Variants in SPTBN4 observed in about 807,000 individuals in gnomAD.
SPTBN4 encodes spectrin beta chain, non-erythrocytic 4.
Under a neutral mutation model 277.8 loss-of-function variants are expected in SPTBN4, and 96 were observed. The observed-to-expected ratio is 0.35, with a 90% confidence interval of 0.29 to 0.41. The LOEUF (loss-of-function observed/expected upper bound fraction) is 0.41, where lower values mean the gene tolerates loss of function less well. Ranked by LOEUF, SPTBN4 falls within the 10% of genes least tolerant of loss-of-function variation. The pLI is 1.00. For missense variants in SPTBN4, 3,006 were observed against 3,595.7 expected (o/e 0.84, Z 4.19); for synonymous variants, 1,481 against 1,580.3 (o/e 0.94, Z 1.49).
chr19:40,505,129 G>A (rs1013643043), intron 12 of SPTBN4, among the ~76,000 whole-genome samples: 4 of 148,218 alleles, frequency 2.7e-5, no homozygotes, highest in Admixed American at 1.3e-4. Context: ...TCTCACCTGC[G>A]GTACCAGCAC....
At chr19:40,493,755 C>T (rs2080164235) in intron 5 of SPTBN4, among the ~76,000 whole-genome samples, 1 of 152,068 alleles carries the variant, frequency 6.6e-6, no homozygotes, top group Admixed American at 6.6e-5. Context: ...AATAAATAAA[C>T]AAACAAATAA....
rs569296817 is a variant in SPTBN4, at chr19:40,495,532, C to T, written c.668+555C>T. ...GTGTGGTGGTGCGCCCCTGTAGTCC[C>T]AGCTACTGGGGAGGCTGAGGCAGGA... On this transcript the variant is annotated intron_variant, in intron 6 of 35. Transcript: ENST00000598249. Among the ~76,000 whole-genome samples, 8 of 152,136 alleles carry T rather than the reference C, an allele frequency of 5.3e-5. No individual in the cohort carries two copies. In the South Asian group the frequency reaches 1.7e-3, roughly 32 times the overall value.
In SPTBN4 at chr19:40,516,541, C is replaced by T. The variant is rs185733095; in HGVS notation, c.2903+1093C>T. On this transcript the variant is annotated intron_variant, in intron 15 of 35. Transcript: ENST00000598249. ...ATGCTGGTCTTACAACTCCTGGGCT[C>T]GGCTGGGCGTGGTAGCTCACACCTG... Among the ~76,000 whole-genome samples the T allele has an allele frequency of 3.1e-3, 467 of 152,124 alleles. 4 individuals are homozygous for T. Among genetic ancestry groups the T allele is most frequent in the African/African-American group, 0.01 (419 of 41,498 alleles).
Position 40,575,930 on chromosome 19 carries a change from T to G in SPTBN4, c.*361T>G. ...GAAGCTGGGGTGGTGGGGGCAGTAATTCCTGCCCCCCTCTCTGCCCTAGGG... is the reference window on the plus strand; with the variant it reads ...GAAGCTGGGGTGGTGGGGGCAGTAAGTCCTGCCCCCCTCTCTGCCCTAGGG... On this transcript the variant is annotated 3_prime_UTR_variant, in exon 36 of 36. Coordinates refer to ENST00000598249, the MANE Select transcript of SPTBN4 (RefSeq NM_020971.3). 1 of 188,526 alleles carries G rather than the reference T, an allele frequency of 5.3e-6. No individual in the cohort carries two copies. The highest frequency in any genetic ancestry group is 1.1e-5 in the Non-Finnish European group (1 of 89,642). 11.7% of individuals were successfully genotyped at this position (188,526 alleles called of 1,614,324 possible).
At position 40,557,161 on chromosome 19, in the gene SPTBN4, G is replaced by A; in HGVS notation, c.5428G>A (p.Asp1810Asn). The change falls in exon 26 of 36, where the codon GAC (aspartate) becomes AAC (asparagine). Residue 1810 changes from aspartate to asparagine, a missense_variant. Asp to Asn is a conservative substitution (Grantham distance 23). Around this residue, in one of 5 missense-constraint regions of SPTBN4, gnomAD observed 425 missense variants for 594.7 expected, o/e 0.71. Coordinates refer to ENST00000598249, the MANE Select transcript of SPTBN4 (RefSeq NM_020971.3). ...TAAATMAEWK[D>N]GLNEAWAELL... is the part of the protein sequence containing the mutation. ...AGCGGCCACCATGGCCGAGTGGAAG[G>A]ACGGACTGAACGAGGCCTGGGCTGA... 1 of 1,611,482 alleles carries A rather than the reference G, an allele frequency of 6.2e-7. No individual in the cohort carries two copies. Among genetic ancestry groups the A allele is most frequent in the Non-Finnish European group, 8.5e-7 (1 of 1,177,986 alleles).
chr19:40,565,213 C>T (rs896202583), intron 27 of SPTBN4, among the ~76,000 whole-genome samples: 43 of 150,806 alleles, frequency 2.9e-4, no homozygotes, highest in African/African-American at 1.0e-3. Context: ...TGCAGTGAGC[C>T]GAGATCGCCC....
At chr19:40,536,255 C>A (rs2145904060) in intron 20 of SPTBN4, among the ~76,000 whole-genome samples, 1 of 152,002 alleles carries the variant, frequency 6.6e-6, no homozygotes, top group South Asian at 2.1e-4. Context: ...GCTCTGTCAC[C>A]CAGGCTGGAG....
At position 40,568,256 on chromosome 19, in the gene SPTBN4, G is replaced by A. The variant is rs118048177; in HGVS notation, c.6930G>A (p.Met2310Ile). 0.018 allele frequency: 28,617 copies of A among 1,605,170 alleles called. 349 individuals are homozygous for A. Among genetic ancestry groups the A allele is most frequent in the South Asian group, 0.036 (3,203 of 89,578 alleles). ...LERQESSEQE[M>I]PIRGDLVKGK... is the part of the protein sequence containing the mutation. ...GGCAGGAGTCCAGCGAACAGGAGAT[G>A]CCCATCAGAGGAGACCTGGTCAAGG... Residue 2310 changes from methionine to isoleucine, a missense_variant, in exon 31 of 36, where the codon ATG becomes ATA. Physicochemically the swap from Met to Ile is conservative, Grantham distance 10 (BLOSUM62 1). This residue lies in a region of SPTBN4 where 630 missense variants were observed against 677.6 expected (regional missense o/e 0.93). Transcript: ENST00000598249.
chr19:40,468,972 G>A (rs2079854941), intron 1 of SPTBN4, among the ~76,000 whole-genome samples: 1 of 152,130 alleles, frequency 6.6e-6, no homozygotes, highest in Non-Finnish European at 1.5e-5. Context: ...GGTGGAGCTT[G>A]CCTCTAGTCC....
intron 20 of SPTBN4, among the ~76,000 whole-genome samples, chr19:40,541,331 G>T (rs764209652): frequency 5.3e-5 from 8 of 152,178 alleles, no homozygotes; most frequent in Non-Finnish European, 8.8e-5. Flanking sequence ...CACAGTGATG[G>T]GTGCCAGAGG....
At position 40,519,050 on chromosome 19, in the gene SPTBN4, G is replaced by A. The variant is rs1568801733; in HGVS notation, c.2904-351G>A. Among the ~76,000 whole-genome samples the A allele has an allele frequency of 6.6e-6, 1 of 152,280 alleles. No individual in the cohort carries two copies. The highest frequency in any genetic ancestry group is 1.9e-4 in the East Asian group (1 of 5,180). ...TCTTTAAAGTCTGGTTTAAGAGATG[G>A]CAGCTGGGCTTCTCTTAAATCAGAG... On this transcript the variant is annotated intron_variant, in intron 15 of 35. Coordinates refer to ENST00000598249, the MANE Select transcript of SPTBN4 (RefSeq NM_020971.3). The surrounding 1 kb of genome is among the most constrained non-coding windows in gnomAD (Gnocchi z 5.7).
chr19:40,476,286 A>G (rs151126985), intron 2 of SPTBN4, among the ~76,000 whole-genome samples: 115 of 150,598 alleles, frequency 7.6e-4, no homozygotes, highest in African/African-American at 2.4e-3. Flanking sequence ...CGGAGGTTGC[A>G]GTGAGCCTAG....
At chr19:40,478,775 G>A (rs2079976761) in intron 2 of SPTBN4, among the ~76,000 whole-genome samples, 1 of 152,144 alleles carries the variant, frequency 6.6e-6, no homozygotes. Context: ...TTCAACTCCT[G>A]ACCTCAAGTG....
In SPTBN4 at chr19:40,519,414, G is replaced by A. The variant is rs2080496600; in HGVS notation, c.2917G>A (p.Val973Met). ...TCCCCTGGGCAGGTGGAACCGCATC[G>A]TGGAGCTAGTGGAACAGCGCAAAGA... ...DHLNSRWNRIVELVEQRKEEM... is the reference protein window; with the variant it reads ...DHLNSRWNRIMELVEQRKEEM... The change falls in exon 16 of 36, where the codon GTG becomes ATG. Residue 973 changes from valine to methionine, a missense_variant. By Grantham distance (21) the Val-to-Met change is conservative (BLOSUM62 1). Transcript: ENST00000598249. The surrounding 1 kb of genome is among the most constrained non-coding windows in gnomAD (Gnocchi z 5.7). 1.9e-6 allele frequency: 3 copies of A among 1,576,170 alleles called. No individual in the cohort carries two copies. Among genetic ancestry groups the A allele is most frequent in the South Asian group, 1.2e-5 (1 of 85,688 alleles).
chr19:40,560,526 G>A lies in SPTBN4; in HGVS notation c.5915+123G>A. 6.4e-7 allele frequency: 1 copy of A among 1,573,520 alleles called. No individual in the cohort carries two copies. The highest frequency in any genetic ancestry group is 8.6e-7 in the Non-Finnish European group (1 of 1,159,186). On this transcript the variant is annotated intron_variant, in intron 27 of 35. Transcript: ENST00000598249. This position sits in a 1 kb window ranked among gnomAD's most constrained non-coding sequence, Gnocchi z 5.2. The stretch of plus-strand genomic sequence containing the variant: ...CAGCCAATATCTGTGTGGCGCCTCT[G>A]TGTGCTAGGCACTGTTCTAGGTGCT...
rs532886297 is a variant in SPTBN4 at position 40,524,542 on chromosome 19, A to G, written c.3857+903A>G. 9.0e-5 allele frequency: 41 copies of G among 453,436 alleles called. No individual in the cohort carries two copies. The East Asian group carries it at 2.5e-3, about 28-fold the overall frequency. 28.1% of individuals were successfully genotyped at this position (453,436 alleles called of 1,614,324 possible). A position where few individuals can be genotyped will look rare whatever the true frequency, so the allele number is the denominator to read the frequency against. Reference sequence around the variant, plus strand: ...AAAAAATGTGTTAACTTACTTCCCTAGATGCCTCATTATCCATCCTGCTCT... The same window carrying G: ...AAAAAATGTGTTAACTTACTTCCCTGGATGCCTCATTATCCATCCTGCTCT... On this transcript the variant is annotated intron_variant, in intron 17 of 35. Transcript: ENST00000598249.
chr19:40,564,316 G>A (rs1305295404), intron 27 of SPTBN4, among the ~76,000 whole-genome samples: 4 of 152,254 alleles, frequency 2.6e-5, no homozygotes, highest in South Asian at 4.1e-4. Flanking sequence ...AGCGGAGATC[G>A]CACCACTGCA....
chr19:40,560,535 G>T lies in SPTBN4; in HGVS notation c.5915+132G>T. ...TCTGTGTGGCGCCTCTGTGTGCTAG[G>T]CACTGTTCTAGGTGCTTCGTGTGTA... On this transcript the variant is annotated intron_variant, in intron 27 of 35. Transcript: ENST00000598249. This position sits in a 1 kb window ranked among gnomAD's most constrained non-coding sequence, Gnocchi z 5.2. 1 of 1,565,198 alleles carries T rather than the reference G, an allele frequency of 6.4e-7. No individual in the cohort carries two copies. Among genetic ancestry groups the T allele is most frequent in the East Asian group, 2.3e-5 (1 of 44,396 alleles).
intron 15 of SPTBN4, among the ~76,000 whole-genome samples, chr19:40,517,487 G>A (rs527414388): frequency 1.3e-5 from 2 of 151,990 alleles, no homozygotes; most frequent in East Asian, 3.9e-4. Flanking sequence ...GTACAGATGG[G>A]GTCTCACTCT....
Sources: gnomAD v4.1 joint callset for allele counts (sites outside exome capture counted in the v4.1 genomes callset) on GRCh38, gnomAD v4.1.1 for gene constraint, gnomAD v4.1.1 regional missense constraint, Gnocchi (gnomAD v3.1) non-coding constraint, MANE v1.5 for transcripts, NCBI Gene and HGNC (gene_info 2026-07-23, HGNC 2026-07-21) for gene names.